MGAM: variants seen among roughly 807,000 people sequenced by gnomAD.
MGAM encodes maltase-glucoamylase.
Under a neutral mutation model 358.8 loss-of-function variants are expected in MGAM, and 253 were observed. The observed-to-expected ratio is 0.71, with a 90% CI of 0.64 to 0.78. The LOEUF is 0.78. MGAM is among the 30% of genes least tolerant of loss of function. The probability of loss-of-function intolerance (pLI) is 0.00; values close to 1 mark genes in which losing one functional copy is unlikely to be tolerated. For synonymous variants in MGAM, 1,105 were observed against 1,227.1 expected, an observed-to-expected ratio of 0.90 and a Z score of 2.08; for missense variants, 3,080 against 3,432.6, an observed-to-expected ratio of 0.90 and a Z score of 2.57.
rs370385613 is a variant in MGAM at position 142,065,434 on chromosome 7, G to A, written c.4584G>A (p.Thr1528=). The A allele has an allele frequency of 1.0e-3, 1,680 of 1,609,670 alleles. 18 individuals are homozygous for A. The African/African-American group carries it at 0.019, about 18-fold the overall frequency. Reference sequence around the variant, plus strand: ...CAGGACATTGGCTGGGAGACAACACGGCCGCATGGGATCAGCTGAAGAAGT... The same window carrying A: ...CAGGACATTGGCTGGGAGACAACACAGCCGCATGGGATCAGCTGAAGAAGT... ...RWAGHWLGDN[T]AAWDQLKKSI... Residue 1528 remains threonine, a synonymous_variant, in exon 38 of 71, where the codon ACG becomes ACA. Transcript: ENST00000475668.
chr7:142,014,619 C>G (rs944763128), intron 3 of MGAM, among the ~76,000 whole-genome samples: 22 of 152,202 alleles, frequency 1.4e-4, no homozygotes, highest in African/African-American at 5.3e-4. Flanking sequence ...CCTCCATCCT[C>G]TTTAGAAGTA....
intron 21 of MGAM, among the ~76,000 whole-genome samples, chr7:142,042,074 CAT>C (rs1282085132): frequency 1.6e-5 from 1 of 63,410 alleles, no homozygotes; most frequent in Non-Finnish European, 2.8e-5. Flanking sequence ...TAATATATAA[CAT>C]ACAATATATA....
Position 142,099,703 on chromosome 7 carries a change from C to T in MGAM, c.7840C>T (p.Pro2614Ser), listed in dbSNP as rs1816279910. 1.2e-6 allele frequency: 2 copies of T among 1,613,968 alleles called. No individual in the cohort carries two copies. Among genetic ancestry groups the T allele is most frequent in the East Asian group, 4.5e-5 (2 of 44,878 alleles). ...TCATGTCCGTGGGGGCTACATCCTG[C>T]CCTGGCAAGAGCCTGCACTGAACAC... ...NLHVRGGYIL[P>S]WQEPALNTHL... The change falls in exon 67 of 71, where the codon CCC (proline) becomes TCC (serine). Residue 2614 changes from proline (P) to serine (S), a missense_variant. Around this residue, in one of 5 missense-constraint regions of MGAM, gnomAD observed 194 missense variants for 172.8 expected, o/e 1.12. Coordinates refer to ENST00000475668, the MANE Select transcript of MGAM (RefSeq NM_001365693.1).
At chr7:142,013,635 G>C (rs1253121371) in intron 3 of MGAM, among the ~76,000 whole-genome samples, 1 of 152,162 alleles carries the variant, frequency 6.6e-6, no homozygotes, top group African/African-American at 2.4e-5. Flanking sequence ...ATAGGCTTTT[G>C]AGAATAGGGT....
chr7:142,067,241 A>G (rs1323502417), intron 41 of MGAM, 100 bp from the exon 42 acceptor site: 1 of 1,021,904 alleles, frequency 9.8e-7, no homozygotes, highest in African/African-American at 1.5e-5. Context: ...GCTCAGGGGC[A>G]GCTGTATTTC....
At chr7:141,987,072 T>C (rs1803742063) in intron 2 of MGAM, among the ~76,000 whole-genome samples, 1 of 152,194 alleles carries the variant, frequency 6.6e-6, no homozygotes, top group African/African-American at 2.4e-5. Flanking sequence ...GAGCCTGTCA[T>C]AGCAGGGCTA....
At chr7:142,047,928 G>T in intron 22 of MGAM, 55 bp downstream of exon 22, 1 of 1,302,214 alleles carries the variant, frequency 7.7e-7, no homozygotes. Context: ...GTGACTTATG[G>T]TCCTTCACTC....
At chr7:141,997,689 C>T (rs1252322166) in intron 1 of MGAM, among the ~76,000 whole-genome samples, 2 of 151,896 alleles carry the variant, frequency 1.3e-5, no homozygotes, top group Non-Finnish European at 2.9e-5. Flanking sequence ...AACTGAGACC[C>T]AGAGGGGTTA....
At chr7:142,085,688 T>G in intron 54 of MGAM, 145 bp from the exon 55 acceptor site, 1 of 1,162,102 alleles carries the variant, frequency 8.6e-7, no homozygotes, top group Admixed American at 2.9e-5. Context: ...TCCCAGCACC[T>G]GTACCTAACA....
Position 142,030,644 on chromosome 7 carries a change from C to A in MGAM, c.1357C>A (p.Pro453Thr), listed in dbSNP as rs971296318. The A allele has an allele frequency of 6.2e-7, 1 of 1,610,572 alleles. No homozygotes were observed. Among genetic ancestry groups the A allele is most frequent in the Non-Finnish European group, 8.5e-7 (1 of 1,176,916 alleles). Residue 453 changes from proline (P) to threonine (T), a missense_variant, in exon 12 of 71, where the codon CCA (proline) becomes ACA (threonine). Transcript: ENST00000475668. The part of the protein sequence containing the change: ...NGQKLVIIVD[P>T]AISNNSSSSK... ...ATTGTATTCTTCCTATTTTTAGGATCCAGCCATCTCCAACAACTCTTCCTC... is the reference window on the plus strand; with the variant it reads ...ATTGTATTCTTCCTATTTTTAGGATACAGCCATCTCCAACAACTCTTCCTC...
chr7:142,056,796 G>A (rs764676686), intron 29 of MGAM, 34 bp from the exon 30 acceptor site: 9 of 1,604,550 alleles, frequency 5.6e-6, no homozygotes, highest in Non-Finnish European at 6.8e-6. Context: ...CATGGAAGGT[G>A]TCCGTGAGGC....
chr7:142,046,171 T>A (rs1307051498), intron 21 of MGAM, among the ~76,000 whole-genome samples: 2 of 147,536 alleles, frequency 1.4e-5, no homozygotes, highest in Non-Finnish European at 3.0e-5. Flanking sequence ...ATTTTTGTTT[T>A]GTTTTGTTTT....
chr7:142,034,279 C>A lies in MGAM; in HGVS notation c.1687C>A (p.Leu563Met). Reference protein sequence around the residue: ...PFTPRILDGYLFCKTLCMDAV... With the variant: ...PFTPRILDGYMFCKTLCMDAV... ...TGTTTCAGGAATCCTGGATGGGTAC[C>A]TGTTCTGCAAGACTCTCTGTATGGA... Residue 563 changes from leucine (L) to methionine (M), a missense_variant, in exon 15 of 71, where the codon CTG becomes ATG. Leu to Met is a conservative substitution (Grantham distance 15). This residue lies in a region of MGAM where 1,816 missense variants were observed against 1,840.5 expected (regional missense o/e 0.99). Coordinates refer to ENST00000475668, the MANE Select transcript of MGAM (RefSeq NM_001365693.1). 1 of 1,594,432 alleles carries A rather than the reference C, an allele frequency of 6.3e-7. No individual in the cohort carries two copies.
intron 6 of MGAM, 54 bp from the exon 7 acceptor site, chr7:142,022,214 C>T (rs574305842): frequency 5.2e-5 from 79 of 1,511,346 alleles, no homozygotes; most frequent in African/African-American, 4.5e-4. Context: ...TAAGCACTTA[C>T]GTTCTCTCCA....
In MGAM at chr7:142,086,647, C is replaced by T. The variant is rs1285824550; in HGVS notation, c.6748-8C>T. ...GTGCATCGCTACTGAACATGTTTCT[C>T]TCCATAGGTCTGGCCTGATTTTCCT... is the stretch of plus-strand genomic sequence containing the variant. On this transcript the variant is annotated splice_region_variant and splice_polypyrimidine_tract_variant and intron_variant, in intron 56 of 70. Coordinates refer to ENST00000475668, the MANE Select transcript of MGAM (RefSeq NM_001365693.1). 6.3e-6 allele frequency: 7 copies of T among 1,105,850 alleles called. 2 individuals carry two copies. The highest frequency in any genetic ancestry group is 6.3e-6 in the Non-Finnish European group (5 of 798,628). 68.5% of individuals were successfully genotyped at this position (1,105,850 alleles called of 1,614,324 possible).
chr7:142,048,002 T>C (rs1810548751), intron 22 of MGAM, 129 bp downstream of exon 22: 1 of 749,318 alleles, frequency 1.3e-6, no homozygotes, highest in Non-Finnish European at 2.2e-6. Flanking sequence ...ACTTAAGTAT[T>C]TTGTTTCTGG....
intron 63 of MGAM, among the ~76,000 whole-genome samples, chr7:142,095,118 C>T (rs538805748): frequency 1.6e-4 from 24 of 152,084 alleles, no homozygotes; most frequent in Non-Finnish European, 3.2e-4. Flanking sequence ...AGGCACATAC[C>T]AACGTGCCCA....
intron 21 of MGAM, among the ~76,000 whole-genome samples, chr7:142,043,738 A>C (rs1481615187): frequency 1.2e-5 from 1 of 86,446 alleles, no homozygotes; most frequent in Non-Finnish European, 2.6e-5. Context: ...TATAATATAT[A>C]CATTATATAC....
chr7:142,047,719 A>G (rs1810519089), intron 21 of MGAM, 66 bp from the exon 22 acceptor site: 1 of 1,427,614 alleles, frequency 7.0e-7, no homozygotes, highest in Non-Finnish European at 9.8e-7. Context: ...TGATGGAAAT[A>G]TTCTCAGCTC....
Sources: allele counts gnomAD v4.1 joint callset (sites outside exome capture counted in the v4.1 genomes callset), GRCh38; gene constraint gnomAD v4.1.1; regional missense constraint gnomAD v4.1.1; transcripts MANE v1.5; gene names NCBI Gene and HGNC (gene_info 2026-07-23, HGNC 2026-07-21).